Variants in PLXNC1 observed in about 807,000 individuals in gnomAD.
PLXNC1 encodes plexin-C1.
PLXNC1 carries 75 observed loss-of-function variants against 178.2 expected under a neutral mutation model. That is an observed-to-expected ratio of 0.42 (90% CI 0.35 to 0.51). The LOEUF is 0.51. PLXNC1 is among the 20% of genes least tolerant of loss of function. The pLI, the probability that PLXNC1 is intolerant of heterozygous loss-of-function variation, is 0.02. For synonymous variants in PLXNC1, 790 were observed against 779.9 expected (o/e 1.01, Z -0.22); for missense variants, 1,503 against 1,984.4 (o/e 0.76, Z 4.61).
At chr12:94,220,637 A>G (rs1963768403) in intron 6 of PLXNC1, among the ~76,000 whole-genome samples, 1 of 152,148 alleles carries the variant, frequency 6.6e-6, no homozygotes, top group African/African-American at 2.4e-5. Context: ...CTTGCCCCTA[A>G]AAAAAAGACT....
chr12:94,260,694 C>T lies in PLXNC1; in HGVS notation c.3304C>T (p.Leu1102=), dbSNP rs768289819. ...TGCACTGCAAACCAAGCTGGTCTAC[C>T]TGACCAGCATCCTAGAGGTGCTGAC... ...TIALQTKLVY[L]TSILEVLTRD... Residue 1102 remains leucine, a synonymous_variant, in exon 20 of 31, where the codon CTG becomes TTG. Transcript: ENST00000258526. The surrounding 1 kb of genome is among the most constrained non-coding windows in gnomAD (Gnocchi z 4.4). The T allele has an allele frequency of 1.2e-6, 2 of 1,613,888 alleles. No individual in the cohort carries two copies. The highest frequency in any genetic ancestry group is 2.2e-5 in the East Asian group (1 of 44,884).
At chr12:94,162,833 A>G (rs936375677) in intron 1 of PLXNC1, among the ~76,000 whole-genome samples, 1 of 152,190 alleles carries the variant, frequency 6.6e-6, no homozygotes, top group Admixed American at 6.5e-5. Context: ...AAACCATGTC[A>G]CAGATTTCAG....
At chr12:94,270,624 A>G (rs1965514394) in intron 21 of PLXNC1, among the ~76,000 whole-genome samples, 1 of 151,904 alleles carries the variant, frequency 6.6e-6, no homozygotes, top group Non-Finnish European at 1.5e-5. Flanking sequence ...AAATACTGTG[A>G]ATACTAAAAT....
intron 2 of PLXNC1, among the ~76,000 whole-genome samples, chr12:94,171,027 A>G (rs1274559065): frequency 1.3e-5 from 2 of 152,156 alleles, no homozygotes; most frequent in African/African-American, 4.8e-5. Flanking sequence ...GAGTGTTTTG[A>G]CAAGAACACT....
At position 94,259,648 on chromosome 12, in the gene PLXNC1, T is replaced by C; in HGVS notation, c.3165T>C (p.Ala1055=). Residue 1055 remains alanine, a synonymous_variant, in exon 19 of 31, where the codon GCT becomes GCC. Transcript: ENST00000258526. The stretch of plus-strand genomic sequence containing the variant: ...ACGACAAGAATGAAAGTCTCACAGC[T>C]TTGGATGCCCTAATCTGTAATAAAA... ...DANDKNESLT[A]LDALICNKSF... is the part of the protein sequence containing the mutation. 1 of 1,612,014 alleles carries C rather than the reference T, an allele frequency of 6.2e-7. No individual in the cohort carries two copies. The highest frequency in any genetic ancestry group is 2.2e-5 in the East Asian group (1 of 44,816).
chr12:94,226,797 G>T, intron 8 of PLXNC1, 90 bp downstream of exon 8: 2 of 926,442 alleles, frequency 2.2e-6, no homozygotes, highest in Non-Finnish European at 1.8e-6. Context: ...GTCGAGGCGG[G>T]TGGATCAATT....
intron 1 of PLXNC1, among the ~76,000 whole-genome samples, chr12:94,164,117 G>T (rs1346399104): frequency 6.6e-6 from 1 of 152,020 alleles, no homozygotes; most frequent in Non-Finnish European, 1.5e-5. Flanking sequence ...TTGGGTGCAG[G>T]GCTCCTTCAG....
At position 94,225,243 on chromosome 12, in the gene PLXNC1, G is replaced by A. The variant is rs143227954; in HGVS notation, c.1790+928G>A. Among the ~76,000 whole-genome samples the A allele has an allele frequency of 6.8e-4, 104 of 152,340 alleles. 1 individual carries two copies. The East Asian group carries it at 0.019, about 27-fold the overall frequency. ...GGGAGGCTGCATGAGTAGCAGTGCT[G>A]TAGATCACTGCATAGTTTGATTGAC... On this transcript the variant is annotated intron_variant, in intron 7 of 30. Coordinates refer to ENST00000258526, the MANE Select transcript of PLXNC1 (RefSeq NM_005761.3).
chr12:94,264,729 G>C (rs1210661388), intron 20 of PLXNC1, among the ~76,000 whole-genome samples: 3 of 152,152 alleles, frequency 2.0e-5, no homozygotes, highest in Non-Finnish European at 2.9e-5. Context: ...GTAAACAAAG[G>C]TACACTCTCC....
chr12:94,280,358 T>C (rs1966346025), intron 22 of PLXNC1, among the ~76,000 whole-genome samples: 2 of 152,204 alleles, frequency 1.3e-5, no homozygotes, highest in South Asian at 2.1e-4. Flanking sequence ...AATAGAATCA[T>C]GGTGGTGACA....
At chr12:94,230,316 C>A (rs575919867) in intron 9 of PLXNC1, among the ~76,000 whole-genome samples, 2 of 152,130 alleles carry the variant, frequency 1.3e-5, no homozygotes, top group African/African-American at 4.8e-5. Context: ...GTCCAGGCAG[C>A]GGCTTTTTAA....
intron 4 of PLXNC1, among the ~76,000 whole-genome samples, chr12:94,192,369 C>G (rs565545741): frequency 6.6e-6 from 1 of 151,968 alleles, no homozygotes; most frequent in African/African-American, 2.4e-5. Flanking sequence ...AAGTCCTATG[C>G]TCAGTGCTCA....
rs149250183 is a variant in PLXNC1, at chr12:94,171,192, T to C, written c.1203+1899T>C. Among the ~76,000 whole-genome samples the C allele has an allele frequency of 7.2e-4, 110 of 152,346 alleles. No individual in the cohort carries two copies. In the East Asian group the frequency reaches 0.015, roughly 21 times the overall value. ...TGCCGCTGGCCAGCTTTTAGCGATG[T>C]TGTGGCAACCAGGGAGTGGACCAAG... On this transcript the variant is annotated intron_variant, in intron 2 of 30. Coordinates refer to ENST00000258526, the MANE Select transcript of PLXNC1 (RefSeq NM_005761.3).
Position 94,240,601 on chromosome 12 carries a change from G to A in PLXNC1, c.2237G>A (p.Gly746Glu). 1 of 1,613,960 alleles carries A rather than the reference G, an allele frequency of 6.2e-7. No individual in the cohort carries two copies. The change falls in exon 11 of 31, where the codon GGA becomes GAA. Residue 746 changes from glycine (G) to glutamate (E), a missense_variant. By Grantham distance (98) the Gly-to-Glu change is moderately conservative. Around this residue, in one of 4 missense-constraint regions of PLXNC1, gnomAD observed 615 missense variants for 698.6 expected, o/e 0.88. Coordinates refer to ENST00000258526, the MANE Select transcript of PLXNC1 (RefSeq NM_005761.3). ...GATGGTGGGAACTGCTCTTCTGTGGGATCCTTATCCTACATTGCTCTGCCA... is the reference window on the plus strand; with the variant it reads ...GATGGTGGGAACTGCTCTTCTGTGGAATCCTTATCCTACATTGCTCTGCCA... ...QFDGGNCSSV[G>E]SLSYIALPHC...
intron 2 of PLXNC1, 152 bp from the exon 3 acceptor site, chr12:94,181,294 A>C: frequency 2.0e-6 from 1 of 502,214 alleles, no homozygotes; most frequent in South Asian, 2.3e-5. Context: ...AGGCTGAGGC[A>C]GTGGAATTGC....
chr12:94,256,934 C>T (rs890745483), intron 17 of PLXNC1, among the ~76,000 whole-genome samples: 2 of 147,964 alleles, frequency 1.4e-5, no homozygotes, highest in African/African-American at 2.5e-5. Flanking sequence ...ACTGATTTAA[C>T]TCAGTGTTGT....
intron 1 of PLXNC1, among the ~76,000 whole-genome samples, chr12:94,159,679 A>G (rs1043334598): frequency 2.0e-5 from 3 of 152,214 alleles, no homozygotes; most frequent in Admixed American, 6.5e-5. Context: ...TTCTTCTCCG[A>G]GCACAGGAGA....
chr12:94,240,496 G>A lies in PLXNC1; in HGVS notation c.2132G>A (p.Ser711Asn), dbSNP rs751286407. ...STCDKDVIQV[S>N]HVLNDTHMKF... Reference sequence around the variant, plus strand: ...CTACTCTTTTCTAGGATACAGGTTAGCCATGTGCTAAATGACACCCACATG... The same window carrying A: ...CTACTCTTTTCTAGGATACAGGTTAACCATGTGCTAAATGACACCCACATG... Residue 711 changes from serine to asparagine, a missense_variant, in exon 11 of 31, where the codon AGC becomes AAC. Coordinates refer to ENST00000258526, the MANE Select transcript of PLXNC1 (RefSeq NM_005761.3). 2 of 1,613,486 alleles carry A rather than the reference G, an allele frequency of 1.2e-6. No individual in the cohort carries two copies. The highest frequency in any genetic ancestry group is 1.7e-6 in the Non-Finnish European group (2 of 1,179,502).
intron 4 of PLXNC1, among the ~76,000 whole-genome samples, chr12:94,194,110 G>A (rs552938843): frequency 2.0e-4 from 30 of 152,174 alleles, no homozygotes; most frequent in Admixed American, 1.2e-3. Context: ...AGCAGGGCAC[G>A]TCTTACATGG....
Sources: allele counts gnomAD v4.1 joint callset (sites outside exome capture counted in the v4.1 genomes callset), GRCh38; gene constraint gnomAD v4.1.1; regional missense constraint gnomAD v4.1.1; non-coding constraint Gnocchi (gnomAD v3.1); transcripts MANE v1.5; gene names NCBI Gene and HGNC (gene_info 2026-07-23, HGNC 2026-07-21).